ATP10B: variants seen among roughly 807,000 people sequenced by gnomAD.
ATP10B encodes ATPase phospholipid transporting 10B (putative).
A neutral mutation model predicts 141.2 loss-of-function variants in ATP10B; 122 were observed. The ratio of observed to expected loss-of-function variants is 0.86; its 90% CI spans 0.75 to 1.00. ATP10B has a LOEUF of 1.00. ATP10B is among the 50% of genes least tolerant of loss of function. The pLI is 0.00. For synonymous variants in ATP10B, 685 were observed against 692.0 expected (o/e 0.99, Z 0.16); for missense variants, 1,876 against 1,825.3 (o/e 1.03, Z -0.51).
chr5:160,592,607 G>A (rs188940118), intron 22 of ATP10B, among the ~76,000 whole-genome samples: 2,380 of 152,336 alleles, frequency 0.016, 28 homozygotes, highest in Middle Eastern at 0.075. Context: ...AAAGCAGGGC[G>A]AGGCATTGCC....
chr5:160,610,174 G>A (rs758464238), intron 18 of ATP10B, among the ~76,000 whole-genome samples: 13 of 152,070 alleles, frequency 8.5e-5, no homozygotes, highest in Non-Finnish European at 1.5e-4. Context: ...AAAATGATGG[G>A]ATGTCACCTC....
chr5:160,884,681 A>C, the ATP10B span, among the ~76,000 whole-genome samples: 1 of 152,192 alleles, frequency 6.6e-6, no homozygotes, highest in Non-Finnish European at 1.5e-5. Context: ...AATTGATATA[A>C]GTATTCCATT....
chr5:160,654,389 T>C (rs1361566864), intron 7 of ATP10B, among the ~76,000 whole-genome samples: 1 of 152,174 alleles, frequency 6.6e-6, no homozygotes, highest in Non-Finnish European at 1.5e-5. Flanking sequence ...ACACTTCTTC[T>C]TGACCCAGCC....
intron 24 of ATP10B, among the ~76,000 whole-genome samples, chr5:160,582,926 A>G (rs1207192770): frequency 6.6e-6 from 1 of 152,152 alleles, no homozygotes; most frequent in Non-Finnish European, 1.5e-5. Context: ...TGTCAGCTCC[A>G]TTAGGTCATT....
chr5:160,640,751 G>A (rs950894573), intron 9 of ATP10B, among the ~76,000 whole-genome samples, 159 bp from the exon 10 acceptor site: 1 of 152,136 alleles, frequency 6.6e-6, no homozygotes, highest in African/African-American at 2.4e-5. Context: ...ACAGCTGTAG[G>A]GGCCTCACAT....
chr5:160,620,043 G>A (rs1445551109), intron 15 of ATP10B, among the ~76,000 whole-genome samples: 1 of 152,214 alleles, frequency 6.6e-6, no homozygotes, highest in African/African-American at 2.4e-5. Flanking sequence ...TAGTGCAAAA[G>A]ACTGTGTGGA....
chr5:160,826,064 G>A (rs538779512), intron 1 of ATP10B, among the ~76,000 whole-genome samples: 3 of 152,096 alleles, frequency 2.0e-5, no homozygotes, highest in Non-Finnish European at 4.4e-5. Flanking sequence ...ATTGTTGATG[G>A]GCACCTAGGT....
At chr5:160,878,274 C>A in the ATP10B span, among the ~76,000 whole-genome samples, 11 of 151,036 alleles carry the variant, frequency 7.3e-5, no homozygotes, top group African/African-American at 2.7e-4. Context: ...GAAAAACAAG[C>A]AATGGGGAAA....
intron 1 of ATP10B, among the ~76,000 whole-genome samples, chr5:160,847,396 C>T (rs1776191468): frequency 6.6e-6 from 1 of 152,166 alleles, no homozygotes; most frequent in African/African-American, 2.4e-5. Context: ...AAGCTGATAA[C>T]AGCTTCTGAT....
Position 160,563,797 on chromosome 5 carries a change from A to G in ATP10B, c.*1656T>C, listed in dbSNP as rs902394128. 1 of 152,190 alleles carries G rather than the reference A, an allele frequency of 6.6e-6. No homozygotes were observed. The highest frequency in any genetic ancestry group is 2.4e-5 in the African/African-American group (1 of 41,450). 9.4% of individuals were successfully genotyped at this position (152,190 alleles called of 1,614,324 possible). ...GTACCTGAGATCCAAGTTTTGACTC[A>G]ATCCCCTCACTGGAAACAATTCACA... is the stretch of plus-strand genomic sequence containing the variant. On this transcript the variant is annotated 3_prime_UTR_variant, in exon 26 of 26. Coordinates refer to ENST00000327245, the MANE Select transcript of ATP10B (RefSeq NM_025153.3).
At chr5:160,879,695 G>A in the ATP10B span, among the ~76,000 whole-genome samples, 908 of 152,092 alleles carry the variant, frequency 6.0e-3, 29 homozygotes, top group East Asian at 0.042. Context: ...AAAATTAGCC[G>A]GGCGTGGTAG....
chr5:160,615,240 C>T (rs1314546986), intron 17 of ATP10B, among the ~76,000 whole-genome samples: 1 of 152,080 alleles, frequency 6.6e-6, no homozygotes, highest in Non-Finnish European at 1.5e-5. Flanking sequence ...CTCTGTTTCC[C>T]CCCAGCCCGG....
chr5:160,882,760 A>G, the ATP10B span, among the ~76,000 whole-genome samples: 12 of 152,192 alleles, frequency 7.9e-5, no homozygotes, highest in African/African-American at 2.9e-4. Flanking sequence ...ACAAGTTAAG[A>G]ATAATGAACA....
In ATP10B at chr5:160,599,291, C is replaced by T. The variant is rs141572657; in HGVS notation, c.3364-321G>A. 1.4e-4 allele frequency among the ~76,000 whole-genome samples: 22 copies of T among 152,126 alleles called. No individual in the cohort carries two copies. In the East Asian group the frequency reaches 4.2e-3, roughly 29 times the overall value. On this transcript the variant is annotated intron_variant, in intron 21 of 25. Coordinates refer to ENST00000327245, the MANE Select transcript of ATP10B (RefSeq NM_025153.3). ...TAAAGCAAAATGATGTATGGCAAGC[C>T]CCGGAATAACATTGCTTAATTCAAC...
At chr5:160,777,361 G>T (rs1770408594) in intron 2 of ATP10B, among the ~76,000 whole-genome samples, 1 of 152,166 alleles carries the variant, frequency 6.6e-6, no homozygotes, top group African/African-American at 2.4e-5. Flanking sequence ...GCTCAAGGCT[G>T]CCCTACCCTC....
At chr5:160,731,527 TGAGTTGTGTGGAGAATGG>T (rs1437500050) in intron 2 of ATP10B, among the ~76,000 whole-genome samples, 1 of 152,174 alleles carries the variant, frequency 6.6e-6, no homozygotes, top group Non-Finnish European at 1.5e-5. Flanking sequence ...AAGTAGTCAG[TGAGTTGTGTGGAGAATGG>T]GAGTTGTATG....
At chr5:160,683,135 C>T (rs1464749809) in intron 6 of ATP10B, among the ~76,000 whole-genome samples, 5 of 151,444 alleles carry the variant, frequency 3.3e-5, no homozygotes, top group Non-Finnish European at 5.9e-5. Flanking sequence ...GAAGGCATCA[C>T]ACCCCAGCAG....
intron 22 of ATP10B, among the ~76,000 whole-genome samples, chr5:160,593,919 G>A (rs1392067513): frequency 1.3e-5 from 2 of 152,236 alleles, no homozygotes; most frequent in Non-Finnish European, 2.9e-5. Context: ...TGGTGTACCT[G>A]AAAGTGACGG....
intron 17 of ATP10B, chr5:160,613,964 T>C (rs935457697): frequency 6.6e-5 from 10 of 152,196 alleles, no homozygotes; most frequent in South Asian, 4.1e-4. Flanking sequence ...AGTGGTTACG[T>C]TGGATGCATA....
Sources: allele counts gnomAD v4.1 joint callset (sites outside exome capture counted in the v4.1 genomes callset), GRCh38; gene constraint gnomAD v4.1.1; transcripts MANE v1.5; gene names NCBI Gene and HGNC (gene_info 2026-07-23, HGNC 2026-07-21).